SEMA3F: variants seen among roughly 807,000 people sequenced by gnomAD.
SEMA3F encodes semaphorin-3F.
A neutral mutation model predicts 98.5 loss-of-function variants in SEMA3F; 30 were observed. The ratio of observed to expected loss-of-function variants is 0.30; its 90% CI spans 0.23 to 0.41. The LOEUF is 0.41. Among genes scored for constraint, SEMA3F ranks in the 10% least tolerant of loss-of-function variants. The pLI, the probability that SEMA3F is intolerant of heterozygous loss-of-function variation, is 1.00. For synonymous variants in SEMA3F, 380 were observed against 444.8 expected (o/e 0.85, Z 1.83); for missense variants, 866 against 1,119.3 (o/e 0.77, Z 3.23).
chr3:50,183,553 C>T lies in SEMA3F; in HGVS notation c.1222C>T (p.Arg408Trp), dbSNP rs749976415. ...CTTCTCAGGGAAGATGCCCTACCCA[C>T]GGCCGGGCACGGTAAGGACCCCACT... ...MPFSGKMPYP[R>W]PGTCPGGTFT... Residue 408 changes from arginine (R) to tryptophan (W), a missense_variant, in exon 12 of 19, where the codon CGG becomes TGG. Physicochemically the swap from Arg to Trp is moderately radical, Grantham distance 101 (BLOSUM62 -3). Around this residue, in one of 3 missense-constraint regions of SEMA3F, gnomAD observed 374 missense variants for 582.8 expected, o/e 0.64. Coordinates refer to ENST00000002829, the MANE Select transcript of SEMA3F (RefSeq NM_004186.5). 6 of 1,613,916 alleles carry T rather than the reference C, an allele frequency of 3.7e-6. No individual in the cohort carries two copies. The highest frequency in any genetic ancestry group is 1.1e-5 in the South Asian group (1 of 91,082).
intron 2 of SEMA3F, among the ~76,000 whole-genome samples, chr3:50,161,194 G>A (rs529208791): frequency 2.6e-5 from 4 of 152,270 alleles, no homozygotes; most frequent in East Asian, 1.9e-4. Context: ...GGGACCTTGC[G>A]TCCGCTCTGG....
Position 50,174,114 on chromosome 3 carries a change from C to A in SEMA3F, c.336C>A (p.Asn112Lys). The A allele has an allele frequency of 6.2e-7, 1 of 1,614,100 alleles. No individual in the cohort carries two copies. The highest frequency in any genetic ancestry group is 8.5e-7 in the Non-Finnish European group (1 of 1,180,006). ...GCGTGCTCTCAGGCAAGGATGTCAA[C>A]GTGAGTTTGGTGGGATCCACAGGTG... is the stretch of plus-strand genomic sequence containing the variant. ...EECVLSGKDV[N>K]GECGNFVRLI... is the part of the protein sequence containing the mutation. The change falls in exon 4 of 19, where the codon AAC becomes AAA. Residue 112 changes from asparagine (N) to lysine (K), a missense_variant and splice_region_variant. Physicochemically the swap from Asn to Lys is moderately conservative, Grantham distance 94. Transcript: ENST00000002829.
At chr3:50,164,462 G>A (rs1698330654) in intron 2 of SEMA3F, among the ~76,000 whole-genome samples, 1 of 152,232 alleles carries the variant, frequency 6.6e-6, no homozygotes, top group South Asian at 2.1e-4. Flanking sequence ...CTGTGTGTAT[G>A]CACCTCCGGC....
chr3:50,171,952 T>G (rs1251177032), intron 2 of SEMA3F, among the ~76,000 whole-genome samples: 1 of 152,230 alleles, frequency 6.6e-6, no homozygotes, highest in Non-Finnish European at 1.5e-5. Flanking sequence ...AGACCTTTCC[T>G]TACCCACTAG....
Position 50,184,816 on chromosome 3 carries a change from T to TA in SEMA3F, c.1456+3dup. 6.2e-7 allele frequency: 1 copy of TA among 1,610,404 alleles called. No homozygotes were observed. The highest frequency in any genetic ancestry group is 8.5e-7 in the Non-Finnish European group (1 of 1,177,596). On this transcript the variant is annotated splice_region_variant and intron_variant, in intron 13 of 18. Transcript: ENST00000002829. Reference sequence around the variant, plus strand: ...ATGAGGTGCTTTTCCTGGGCACAGGTACCCACTGCTGCTCCCGGCCTCTCC... The same window carrying TA: ...ATGAGGTGCTTTTCCTGGGCACAGGTAACCCACTGCTGCTCCCGGCCTCTCC...
intron 2 of SEMA3F, among the ~76,000 whole-genome samples, chr3:50,171,983 G>A (rs1698628320): frequency 6.6e-6 from 1 of 152,204 alleles, no homozygotes; most frequent in Non-Finnish European, 1.5e-5. Context: ...TGAGGTCCTG[G>A]GACCAGACAT....
chr3:50,167,828 G>A (rs1197693460), intron 2 of SEMA3F, among the ~76,000 whole-genome samples: 1 of 152,160 alleles, frequency 6.6e-6, no homozygotes, highest in African/African-American at 2.4e-5. Context: ...AGAGCCAGTG[G>A]TGCCTGTCCC....
chr3:50,156,367 G>A lies in SEMA3F; in HGVS notation c.-49+803G>A, dbSNP rs571687897. 6.6e-5 allele frequency among the ~76,000 whole-genome samples: 10 copies of A among 152,320 alleles called. 1 individual carries two copies. In the South Asian group the frequency reaches 2.1e-3, roughly 32 times the overall value. On this transcript the variant is annotated intron_variant, in intron 1 of 18. Transcript: ENST00000002829. The surrounding 1 kb of genome is among the most constrained non-coding windows in gnomAD (Gnocchi z 4.5). Reference sequence around the variant, plus strand: ...GGGAGTTGGCTGGAGCTGGGGCTGGGGGCCCCACTGGATAAATAACTCCTA... The same window carrying A: ...GGGAGTTGGCTGGAGCTGGGGCTGGAGGCCCCACTGGATAAATAACTCCTA...
At chr3:50,181,430 T>C (rs1372336608) in intron 7 of SEMA3F, among the ~76,000 whole-genome samples, 1 of 151,698 alleles carries the variant, frequency 6.6e-6, no homozygotes, top group East Asian at 1.9e-4. Context: ...TAAGGGATCT[T>C]CCTGCCTCAG....
At chr3:50,187,403 A>G (rs1699257384) in intron 18 of SEMA3F, among the ~76,000 whole-genome samples, 1 of 148,366 alleles carries the variant, frequency 6.7e-6, no homozygotes, top group East Asian at 2.1e-4. Context: ...AGCCTAGGCG[A>G]CAGAGCCAGA....
At chr3:50,180,581 G>C (rs910706324) in intron 7 of SEMA3F, among the ~76,000 whole-genome samples, 2 of 152,204 alleles carry the variant, frequency 1.3e-5, no homozygotes, top group African/African-American at 4.8e-5. Flanking sequence ...AGAATGGAGA[G>C]GCCCAAGAAG....
chr3:50,169,320 C>T (rs1417574890), intron 2 of SEMA3F, among the ~76,000 whole-genome samples: 1 of 152,180 alleles, frequency 6.6e-6, no homozygotes, highest in Non-Finnish European at 1.5e-5. Flanking sequence ...CAGGACCCAG[C>T]CCCGTGTGCC....
Position 50,182,812 on chromosome 3 carries a change from C to T in SEMA3F, c.903+29C>T. ...TGCATTGGCAGAGCCACCAGGCTGC[C>T]CCTTCCACCAGTTCTGGCTTCATCA... On this transcript the variant is annotated intron_variant, in intron 9 of 18. Transcript: ENST00000002829. This position sits in a 1 kb window ranked among gnomAD's most constrained non-coding sequence, Gnocchi z 4.5. The T allele has an allele frequency of 6.2e-7, 1 of 1,611,368 alleles. No homozygotes were observed. The highest frequency in any genetic ancestry group is 1.1e-5 in the South Asian group (1 of 90,980).
intron 7 of SEMA3F, 28 bp downstream of exon 7, chr3:50,176,889 G>T (rs1306218411): frequency 6.4e-7 from 1 of 1,552,078 alleles, no homozygotes; most frequent in Non-Finnish European, 8.9e-7. Flanking sequence ...CCGCTCTACA[G>T]TCTCAATGTG....
Position 50,185,873 on chromosome 3 carries a change from C to T in SEMA3F, c.1588-16C>T. Reference sequence around the variant, plus strand: ...CTATGGGACAGGAACTGACAAGGCCCTACCCTTTGCCCCAGCAACAACTCT... The same window carrying T: ...CTATGGGACAGGAACTGACAAGGCCTTACCCTTTGCCCCAGCAACAACTCT... On this transcript the variant is annotated splice_polypyrimidine_tract_variant and intron_variant, in intron 15 of 18. Coordinates refer to ENST00000002829, the MANE Select transcript of SEMA3F (RefSeq NM_004186.5). 6.2e-7 allele frequency: 1 copy of T among 1,609,622 alleles called. No individual in the cohort carries two copies. Among genetic ancestry groups the T allele is most frequent in the Non-Finnish European group, 8.5e-7 (1 of 1,176,866 alleles).
chr3:50,155,768 C>T lies in SEMA3F; in HGVS notation c.-49+204C>T, dbSNP rs2109044082. ...AGGCCCGGACCCCTTACCTACGGGGCGGCGTATGGATGTGTGGATGATGTG... is the reference window on the plus strand; with the variant it reads ...AGGCCCGGACCCCTTACCTACGGGGTGGCGTATGGATGTGTGGATGATGTG... On this transcript the variant is annotated intron_variant, in intron 1 of 18. Coordinates refer to ENST00000002829, the MANE Select transcript of SEMA3F (RefSeq NM_004186.5). The surrounding 1 kb of genome is among the most constrained non-coding windows in gnomAD (Gnocchi z 4.9). 1 of 208,022 alleles carries T rather than the reference C, an allele frequency of 4.8e-6. No individual in the cohort carries two copies. The highest frequency in any genetic ancestry group is 9.5e-6 in the Non-Finnish European group (1 of 105,056). The allele number at this position is 208,022 out of a possible 1,614,324, so 12.9% of individuals were successfully genotyped here.
At chr3:50,179,646 T>C (rs1351631436) in intron 7 of SEMA3F, among the ~76,000 whole-genome samples, 2 of 152,232 alleles carry the variant, frequency 1.3e-5, no homozygotes. Context: ...TTTATCTGCA[T>C]TGAAAATCGT....
rs1698095187 is a variant in SEMA3F at position 50,158,824 on chromosome 3, G to C, written c.-48-751G>C. On this transcript the variant is annotated intron_variant, in intron 1 of 18. Coordinates refer to ENST00000002829, the MANE Select transcript of SEMA3F (RefSeq NM_004186.5). This position sits in a 1 kb window ranked among gnomAD's most constrained non-coding sequence, Gnocchi z 4.8. ...AACTTGGACCTGCTGGGGCTATGGG[G>C]GATTCTGAAGGTGGCAATGCCGCTG... 6.6e-6 allele frequency among the ~76,000 whole-genome samples: 1 copy of C among 152,218 alleles called. No individual in the cohort carries two copies. Among genetic ancestry groups the C allele is most frequent in the Non-Finnish European group, 1.5e-5 (1 of 68,044 alleles).
chr3:50,171,435 A>G (rs2624836), intron 2 of SEMA3F, among the ~76,000 whole-genome samples: 137,641 of 152,132 alleles, frequency 0.9, 62,299 homozygotes, highest in African/African-American at 0.93. Flanking sequence ...CTGGGGGCTT[A>G]ATGGCTGAAG....
Sources: gnomAD v4.1 joint callset for allele counts (sites outside exome capture counted in the v4.1 genomes callset) on GRCh38, gnomAD v4.1.1 for gene constraint, gnomAD v4.1.1 regional missense constraint, Gnocchi (gnomAD v3.1) non-coding constraint, MANE v1.5 for transcripts, NCBI Gene and HGNC (gene_info 2026-07-23, HGNC 2026-07-21) for gene names.